The following NHEJ1 variants were observed in gnomAD, a reference collection of about 807,000 sequenced individuals.
The protein encoded by NHEJ1 is non-homologous end-joining factor 1.
Under a neutral mutation model 39.4 loss-of-function variants are expected in NHEJ1, and 22 were observed. The observed-to-expected ratio is 0.56, with a 90% confidence interval of 0.40 to 0.80. NHEJ1 has a LOEUF of 0.80. NHEJ1 is among the 30% of genes least tolerant of loss of function. The pLI, the probability that NHEJ1 is intolerant of heterozygous loss-of-function variation, is 0.00. For synonymous variants in NHEJ1, 154 were observed against 135.6 expected (o/e 1.14, Z -0.94); for missense variants, 329 against 357.1 (o/e 0.92, Z 0.63).
chr2:219,159,576 C>CATATATATATATGCATAT (rs72363387), intron 1 of NHEJ1, among the ~76,000 whole-genome samples: 4 of 68,974 alleles, frequency 5.8e-5, no homozygotes, highest in Non-Finnish European at 1.0e-4. Context: ...TATATATATG[C>CATATATATATATGCATAT]ATATATATAT....
chr2:219,085,216 T>C (rs575094288), intron 5 of NHEJ1, among the ~76,000 whole-genome samples: 165 of 152,314 alleles, frequency 1.1e-3, no homozygotes, highest in African/African-American at 3.8e-3. Flanking sequence ...AGAAAAGAGA[T>C]AGGGTGGTGA....
chr2:219,097,896 G>A (rs898997723), intron 5 of NHEJ1, among the ~76,000 whole-genome samples: 1 of 152,168 alleles, frequency 6.6e-6, no homozygotes, highest in Non-Finnish European at 1.5e-5. Context: ...GAATAGAAGA[G>A]GGCCAACGAC....
At chr2:219,099,517 C>T (rs1949237021) in intron 5 of NHEJ1, among the ~76,000 whole-genome samples, 1 of 152,098 alleles carries the variant, frequency 6.6e-6, no homozygotes. Flanking sequence ...GAGCTAAACT[C>T]CTCAAGAAAT....
intron 5 of NHEJ1, among the ~76,000 whole-genome samples, chr2:219,127,077 A>G (rs577450301): frequency 1.3e-5 from 2 of 152,206 alleles, no homozygotes; most frequent in African/African-American, 2.4e-5. Flanking sequence ...AATCTTTTTA[A>G]GAAGTTTGGA....
At chr2:219,106,172 C>T (rs1949311877) in intron 5 of NHEJ1, among the ~76,000 whole-genome samples, 1 of 152,196 alleles carries the variant, frequency 6.6e-6, no homozygotes, top group African/African-American at 2.4e-5. Flanking sequence ...GCCTTGAAGA[C>T]AGAGAAATGG....
At chr2:219,148,566 C>G (rs887386165) in intron 3 of NHEJ1, among the ~76,000 whole-genome samples, 4 of 152,012 alleles carry the variant, frequency 2.6e-5, no homozygotes, top group African/African-American at 4.8e-5. Flanking sequence ...CTCAAAACAA[C>G]AAGAAGAAAA....
intron 7 of NHEJ1, 48 bp downstream of exon 7, chr2:219,077,198 T>C (rs1949021546): frequency 5.8e-6 from 8 of 1,382,368 alleles, no homozygotes; most frequent in Admixed American, 3.3e-5. Context: ...TTGGGGGCTA[T>C]AGGTGCCAAC....
chr2:219,119,407 T>C lies in NHEJ1; in HGVS notation c.588+27273A>G, dbSNP rs1949449149. Among the ~76,000 whole-genome samples the C allele has an allele frequency of 2.6e-5, 4 of 152,228 alleles. No individual in the cohort carries two copies. In the South Asian group the frequency reaches 8.3e-4, roughly 32 times the overall value. ...GATTGCTGGGATCCCCCTCTCCCCATCAACCTTCCTGTCAAATCAAGACGT... is the reference window on the plus strand; with the variant it reads ...GATTGCTGGGATCCCCCTCTCCCCACCAACCTTCCTGTCAAATCAAGACGT... On this transcript the variant is annotated intron_variant, in intron 5 of 7. Coordinates refer to ENST00000356853, the MANE Select transcript of NHEJ1 (RefSeq NM_024782.3).
chr2:219,159,514 TATATATATATGC>T (rs66875405), intron 1 of NHEJ1, among the ~76,000 whole-genome samples: 3,104 of 43,830 alleles, frequency 0.071, 362 homozygotes, highest in African/African-American at 0.16. Flanking sequence ...GACATAACTT[TATATATATATGC>T]ATATATATAT....
At chr2:219,143,242 C>G (rs886249418) in intron 5 of NHEJ1, among the ~76,000 whole-genome samples, 1 of 152,108 alleles carries the variant, frequency 6.6e-6, no homozygotes, top group Non-Finnish European at 1.5e-5. Context: ...CTTGGGTGAC[C>G]CCATGACCCT....
chr2:219,126,955 C>T (rs184643302), intron 5 of NHEJ1, among the ~76,000 whole-genome samples: 154 of 125,606 alleles, frequency 1.2e-3, no homozygotes, highest in Middle Eastern at 4.6e-3. Context: ...ATCTAAGAAG[C>T]AAGGTGGAGA....
chr2:219,156,345 C>A (rs568764800), intron 3 of NHEJ1, among the ~76,000 whole-genome samples: 4 of 152,238 alleles, frequency 2.6e-5, no homozygotes, highest in African/African-American at 9.6e-5. Flanking sequence ...AGCATCACAT[C>A]CCCTGTGGGA....
intron 5 of NHEJ1, among the ~76,000 whole-genome samples, chr2:219,117,275 A>T (rs1336657434): frequency 6.6e-6 from 1 of 152,094 alleles, no homozygotes; most frequent in Non-Finnish European, 1.5e-5. Flanking sequence ...CTGAAATCCC[A>T]CGAAAGAACA....
chr2:219,146,562 C>T lies in NHEJ1; in HGVS notation c.588+118G>A, dbSNP rs545689465. 6.0e-6 allele frequency: 5 copies of T among 835,844 alleles called. No homozygotes were observed. The African/African-American group carries it at 8.3e-5, about 14-fold the overall frequency. 51.8% of individuals were successfully genotyped at this position (835,844 alleles called of 1,614,324 possible). ...TCAGACTTTCTATGGGCAACTTTTT[C>T]AGACAAAGGGCATTCCAACCACACA... is the stretch of plus-strand genomic sequence containing the variant. On this transcript the variant is annotated intron_variant, in intron 5 of 7. Transcript: ENST00000356853.
chr2:219,094,698 T>C (rs1176172006), intron 5 of NHEJ1, among the ~76,000 whole-genome samples: 1 of 152,108 alleles, frequency 6.6e-6, no homozygotes, highest in Non-Finnish European at 1.5e-5. Flanking sequence ...ATCTCTCCAC[T>C]TCCTTGCAGG....
chr2:219,103,488 A>G (rs1004766654), intron 5 of NHEJ1, among the ~76,000 whole-genome samples: 3 of 151,986 alleles, frequency 2.0e-5, no homozygotes, highest in Non-Finnish European at 4.4e-5. Context: ...GTTGGCCAGG[A>G]TGGTCTCCAT....
intron 5 of NHEJ1, among the ~76,000 whole-genome samples, chr2:219,138,824 G>C (rs924614752): frequency 6.6e-6 from 1 of 152,166 alleles, no homozygotes; most frequent in Admixed American, 6.5e-5. Flanking sequence ...AACTCTATTG[G>C]GAAGGTAACA....
At chr2:219,100,958 C>T (rs1397197392) in intron 5 of NHEJ1, among the ~76,000 whole-genome samples, 2 of 152,218 alleles carry the variant, frequency 1.3e-5, no homozygotes, top group Non-Finnish European at 2.9e-5. Context: ...TCCAATCCCC[C>T]CCTCAGAGGA....
intron 5 of NHEJ1, among the ~76,000 whole-genome samples, chr2:219,110,837 G>A (rs1278308763): frequency 2.0e-5 from 3 of 152,132 alleles, no homozygotes; most frequent in East Asian, 3.9e-4. Context: ...CACCGTGGAT[G>A]GAGTCCATAT....
Sources: gnomAD v4.1 joint callset for allele counts (sites outside exome capture counted in the v4.1 genomes callset) on GRCh38, gnomAD v4.1.1 for gene constraint, MANE v1.5 for transcripts, NCBI Gene and HGNC (gene_info 2026-07-23, HGNC 2026-07-21) for gene names.